The following STIM2 variants were observed in gnomAD, a reference collection of about 807,000 sequenced individuals.
The protein encoded by STIM2 is stromal interaction molecule 2.
A neutral mutation model predicts 85.8 loss-of-function variants in STIM2; 31 were observed. The ratio of observed to expected loss-of-function variants is 0.36; its 90% confidence interval spans 0.27 to 0.49. The LOEUF is 0.49. STIM2 is among the 20% of genes least tolerant of loss of function. The pLI, the probability that STIM2 is intolerant of heterozygous loss-of-function variation, is 0.98. For synonymous variants in STIM2, 356 were observed against 331.1 expected, an observed-to-expected ratio of 1.08 and a Z score of -0.82; for missense variants, 841 against 927.6, an observed-to-expected ratio of 0.91 and a Z score of 1.21.
chr4:26,982,086 G>C (rs1368959812), intron 3 of STIM2, among the ~76,000 whole-genome samples: 3 of 151,904 alleles, frequency 2.0e-5, no homozygotes, highest in Non-Finnish European at 4.4e-5. Flanking sequence ...TGCTCACATG[G>C]TTGCTAAATG....
intron 3 of STIM2, among the ~76,000 whole-genome samples, chr4:26,960,691 T>C (rs1409854281): frequency 6.6e-6 from 1 of 152,096 alleles, no homozygotes; most frequent in Non-Finnish European, 1.5e-5. Context: ...AAAATGACAG[T>C]TTATGGGAAA....
chr4:26,988,030 A>T (rs1220947035), intron 3 of STIM2, among the ~76,000 whole-genome samples: 2 of 152,208 alleles, frequency 1.3e-5, no homozygotes, highest in Admixed American at 6.5e-5. Context: ...GGTTGTTTGT[A>T]TAGAATGTAG....
At chr4:26,892,135 G>A (rs1723513488) in intron 1 of STIM2, among the ~76,000 whole-genome samples, 1 of 152,220 alleles carries the variant, frequency 6.6e-6, no homozygotes, top group African/African-American at 2.4e-5. Context: ...ATGCAGAACT[G>A]TAAGTCCAGT....
chr4:26,953,914 C>T (rs1726149078), intron 2 of STIM2, among the ~76,000 whole-genome samples: 1 of 152,090 alleles, frequency 6.6e-6, no homozygotes, highest in African/African-American at 2.4e-5. Flanking sequence ...GAGAAGAATC[C>T]TGCCATCCTG....
At chr4:27,008,373 A>G (rs1449394294) in intron 8 of STIM2, 55 bp from the exon 9 acceptor site, 3 of 1,110,452 alleles carry the variant, frequency 2.7e-6, no homozygotes, top group African/African-American at 3.2e-5. Context: ...TATATATACA[A>G]AAATGTCTGT....
chr4:26,917,100 C>G (rs544802608), intron 1 of STIM2, among the ~76,000 whole-genome samples: 80 of 152,124 alleles, frequency 5.3e-4, no homozygotes, highest in Admixed American at 1.0e-3. Flanking sequence ...GGTCCCTGCC[C>G]TGTTCATAAT....
rs1419872267 is a variant in STIM2, at chr4:27,022,819, C to G, written c.2064C>G (p.Ile688Met). 1.2e-6 allele frequency: 2 copies of G among 1,614,224 alleles called. No individual in the cohort carries two copies. The highest frequency in any genetic ancestry group is 2.2e-5 in the East Asian group (1 of 44,886). Residue 688 changes from isoleucine to methionine, a missense_variant, in exon 12 of 12, where the codon ATC becomes ATG. Ile to Met is a conservative substitution (Grantham distance 10, BLOSUM62 1). Around this residue, in one of 3 missense-constraint regions of STIM2, gnomAD observed 293 missense variants for 284.5 expected, o/e 1.03. Transcript: ENST00000467087. ...GCATGAACCAGCTTTCCAGTGGCAT[C>G]CCGGTGCCTAAACCTCGCCACACAT... is the stretch of plus-strand genomic sequence containing the variant.
intron 1 of STIM2, among the ~76,000 whole-genome samples, chr4:26,874,662 A>G (rs1046680281): frequency 1.3e-5 from 2 of 152,220 alleles, no homozygotes; most frequent in Non-Finnish European, 1.5e-5. Context: ...TATTTGATTT[A>G]TAGTCTCACA....
chr4:27,020,441 A>G (rs1004229707), intron 11 of STIM2, among the ~76,000 whole-genome samples: 1 of 152,164 alleles, frequency 6.6e-6, no homozygotes, highest in Admixed American at 6.5e-5. Context: ...TGTTAGCACT[A>G]CCCATTATTG....
intron 5 of STIM2, among the ~76,000 whole-genome samples, chr4:27,000,814 GTT>G (rs34023366): frequency 0.032 from 4,738 of 148,748 alleles, 99 homozygotes; most frequent in Non-Finnish European, 0.043. Context: ...ACATTTTAAA[GTT>G]TTTTTTTTTT....
intron 1 of STIM2, among the ~76,000 whole-genome samples, chr4:26,904,987 G>A (rs950791603): frequency 6.6e-6 from 1 of 152,128 alleles, no homozygotes; most frequent in African/African-American, 2.4e-5. Flanking sequence ...ACAGTGGATG[G>A]TGGTTGAGTG....
chr4:26,885,362 C>T (rs1282989163), intron 1 of STIM2, among the ~76,000 whole-genome samples: 1 of 152,126 alleles, frequency 6.6e-6, no homozygotes, highest in Non-Finnish European at 1.5e-5. Flanking sequence ...CCTTCATGTC[C>T]TCTTGAAATC....
intron 1 of STIM2, among the ~76,000 whole-genome samples, chr4:26,880,382 G>A (rs998994780): frequency 6.6e-6 from 1 of 151,720 alleles, no homozygotes; most frequent in African/African-American, 2.4e-5. Flanking sequence ...AAACATACAC[G>A]GTATTTTGTT....
intron 1 of STIM2, among the ~76,000 whole-genome samples, chr4:26,867,712 G>T (rs772373216): frequency 1.3e-5 from 2 of 152,102 alleles, no homozygotes; most frequent in African/African-American, 4.8e-5. Flanking sequence ...AATCTAAAAG[G>T]TTTGTTCTGT....
At chr4:26,976,088 T>G (rs1393100533) in intron 3 of STIM2, among the ~76,000 whole-genome samples, 1 of 152,214 alleles carries the variant, frequency 6.6e-6, no homozygotes, top group Non-Finnish European at 1.5e-5. Flanking sequence ...GTCTGCTGGT[T>G]GCTAAGACCT....
chr4:26,953,421 T>G (rs138573151), intron 2 of STIM2, among the ~76,000 whole-genome samples: 447 of 152,280 alleles, frequency 2.9e-3, no homozygotes, highest in African/African-American at 0.01. Context: ...TTTATTTTCC[T>G]CATTCTACAG....
chr4:26,987,003 T>C (rs565754218), intron 3 of STIM2, among the ~76,000 whole-genome samples: 3 of 152,300 alleles, frequency 2.0e-5, no homozygotes, highest in African/African-American at 7.2e-5. Context: ...TTTGTAGAAA[T>C]AGTTAAGCAG....
chr4:26,962,559 A>AGTGTGTGTGTGT (rs34301656), intron 3 of STIM2, among the ~76,000 whole-genome samples: 8 of 142,720 alleles, frequency 5.6e-5, no homozygotes, highest in African/African-American at 1.8e-4. Context: ...ACTTTAATGC[A>AGTGTGTGTGTGT]GTGTGTGTGT....
intron 3 of STIM2, among the ~76,000 whole-genome samples, chr4:26,961,975 T>A (rs1726490489): frequency 6.6e-6 from 1 of 152,132 alleles, no homozygotes; most frequent in South Asian, 2.1e-4. Flanking sequence ...TGTCTCCAGC[T>A]CCTGGCCTCA....
Sources: allele counts gnomAD v4.1 joint callset (sites outside exome capture counted in the v4.1 genomes callset), GRCh38; gene constraint gnomAD v4.1.1; regional missense constraint gnomAD v4.1.1; transcripts MANE v1.5; gene names NCBI Gene and HGNC (gene_info 2026-07-23, HGNC 2026-07-21).